ADH7: variants seen among roughly 807,000 people sequenced by gnomAD.
ADH7 encodes all-trans-retinol dehydrogenase [NAD(+)] ADH7.
A neutral mutation model predicts 34.4 loss-of-function variants in ADH7; 41 were observed. That is an observed-to-expected ratio of 1.19 (90% CI 0.93 to 1.55). The LOEUF is 1.55. ADH7 is among the 40% of genes most tolerant of loss of function. The pLI, the probability that ADH7 is intolerant of heterozygous loss-of-function variation, is 0.00. For missense variants in ADH7, 540 were observed against 461.2 expected, an observed-to-expected ratio of 1.17 and a Z score of -1.56; for synonymous variants, 180 against 160.9, an observed-to-expected ratio of 1.12 and a Z score of -0.90.
In ADH7 at chr4:99,420,652, C is replaced by T. The variant is rs139072684; in HGVS notation, c.706G>A (p.Gly236Ser). 6.8e-6 allele frequency: 11 copies of T among 1,613,806 alleles called. No individual in the cohort carries two copies. The African/African-American group carries it at 1.3e-4, about 20-fold the overall frequency. ...KDKFEKAMAV[G>S]ATECISPKDS... ...TTGGGACTGATACACTCAGTGGCAC[C>T]TACAGCCATGGCCTTCTCAAATTTG... Residue 236 changes from glycine to serine, a missense_variant, in exon 6 of 9, where the codon GGT becomes AGT. Transcript: ENST00000437033.
intron 5 of ADH7, among the ~76,000 whole-genome samples, chr4:99,427,435 G>C (rs1260884410): frequency 6.6e-6 from 1 of 152,088 alleles, no homozygotes; most frequent in East Asian, 1.9e-4. Flanking sequence ...AGGAGTAAAA[G>C]CTCTGACAAA....
chr4:99,433,454 T>G (rs984177236), intron 1 of ADH7, among the ~76,000 whole-genome samples: 3 of 152,206 alleles, frequency 2.0e-5, no homozygotes, highest in Admixed American at 1.3e-4. Context: ...TGATTGATTT[T>G]TTTCCTTCAT....
chr4:99,418,191 T>A (rs1048456710), intron 7 of ADH7, among the ~76,000 whole-genome samples: 1 of 152,240 alleles, frequency 6.6e-6, no homozygotes, highest in African/African-American at 2.4e-5. Flanking sequence ...TGTTTTATAA[T>A]ATTTATAGCT....
Position 99,428,172 on chromosome 4 carries a change from C to A in ADH7, c.262G>T (p.Asp88Tyr). 1 of 1,613,134 alleles carries A rather than the reference C, an allele frequency of 6.2e-7. No homozygotes were observed. The highest frequency in any genetic ancestry group is 1.1e-5 in the South Asian group (1 of 90,986). The change falls in exon 4 of 9, where the codon GAC (aspartate) becomes TAC (tyrosine). Residue 88 changes from aspartate (D) to tyrosine (Y), a missense_variant and splice_region_variant. Physicochemically the swap from Asp to Tyr is radical, Grantham distance 160. Coordinates refer to ENST00000437033, the MANE Select transcript of ADH7 (RefSeq NM_000673.7). ...GGCAGAAAGAGAGGGATGACTTTGT[C>A]ACCTACAGGAAAAAAATCATGATAT... ...GEGVTTVKPG[D>Y]KVIPLFLPQC...
intron 5 of ADH7, among the ~76,000 whole-genome samples, chr4:99,425,273 T>C (rs922789515): frequency 6.6e-6 from 1 of 152,062 alleles, no homozygotes; most frequent in African/African-American, 2.4e-5. Flanking sequence ...GTAAATTCGA[T>C]AAACAGTCGA....
chr4:99,416,258 A>G (rs1020053495), intron 7 of ADH7, among the ~76,000 whole-genome samples: 2 of 152,168 alleles, frequency 1.3e-5, no homozygotes. Flanking sequence ...TACTTTACAG[A>G]AAGAATTGTC....
In ADH7 at chr4:99,427,821, A is replaced by C; in HGVS notation, c.516T>G (p.Ile172Met). The C allele has an allele frequency of 6.2e-7, 1 of 1,608,084 alleles. No individual in the cohort carries two copies. ...DAAPPEKVCL[I>M]GCGFSTGYGA... ...CATATCCAGTGGAAAACCCACAGCC[A>C]ATTAAACAGACTTTCTCAGGAGGAG... Residue 172 changes from isoleucine (I) to methionine (M), a missense_variant, in exon 5 of 9, where the codon ATT becomes ATG. Coordinates refer to ENST00000437033, the MANE Select transcript of ADH7 (RefSeq NM_000673.7).
rs1030647092 is a variant in ADH7, at chr4:99,413,137, C to T, written c.*11G>A. The T allele has an allele frequency of 6.2e-7, 1 of 1,613,536 alleles. No individual in the cohort carries two copies. The highest frequency in any genetic ancestry group is 8.5e-7 in the Non-Finnish European group (1 of 1,179,606). On this transcript the variant is annotated 3_prime_UTR_variant, in exon 9 of 9. Transcript: ENST00000437033. ...CACCATGACAACACAGACCTCCTGC[C>T]ACTTTGGATCTCAAAACGTCAGGAC... is the stretch of plus-strand genomic sequence containing the variant.
rs765178784 is a variant in ADH7 at position 99,429,541 on chromosome 4, A to G, written c.111T>C (p.Val37=). The change falls in exon 2 of 9, where the codon GTT becomes GTC. Residue 37 remains valine (V), a synonymous_variant. Transcript: ENST00000437033. ...TAGGGCTCACGCTTACCTTAATGCG[A>G]ACTTCTTTAGTCTTTGGTGGGGCAA... ...IEVAPPKTKE[V]RIKILATGIC... 1.2e-6 allele frequency: 2 copies of G among 1,611,136 alleles called. No individual in the cohort carries two copies. Among genetic ancestry groups the G allele is most frequent in the East Asian group, 2.2e-5 (1 of 44,842 alleles).
intron 5 of ADH7, among the ~76,000 whole-genome samples, chr4:99,423,212 A>C (rs1249945552): frequency 1.0e-4 from 15 of 149,422 alleles, no homozygotes; most frequent in African/African-American, 3.4e-4. Flanking sequence ...TGAACTCATC[A>C]TTTTTTATGG....
intron 8 of ADH7, among the ~76,000 whole-genome samples, 163 bp from the exon 9 acceptor site, chr4:99,413,335 G>A (rs1050174783): frequency 9.9e-5 from 15 of 152,088 alleles, no homozygotes; most frequent in East Asian, 1.9e-4. Flanking sequence ...TCTTTGTTAC[G>A]CAACTCTGAT....
intron 8 of ADH7, 198 bp downstream of exon 8, chr4:99,415,280 A>G: frequency 3.6e-6 from 2 of 560,518 alleles, no homozygotes; most frequent in South Asian, 3.9e-5. Context: ...TAAATGACCC[A>G]GTCTCGGGCA....
chr4:99,415,241 CTG>C, intron 8 of ADH7: 1 of 455,048 alleles, frequency 2.2e-6, no homozygotes, highest in Non-Finnish European at 3.9e-6. Context: ...CCATGCTGAA[CTG>C]TGAGTCAATT....
At chr4:99,429,762 C>A in intron 1 of ADH7, 129 bp from the exon 2 acceptor site, 1 of 652,184 alleles carries the variant, frequency 1.5e-6, no homozygotes, top group Non-Finnish European at 2.5e-6. Context: ...TTTCATCAAA[C>A]ACTAGTATTA....
intron 3 of ADH7, 44 bp downstream of exon 3, chr4:99,428,448 A>C: frequency 6.3e-7 from 1 of 1,590,330 alleles, no homozygotes; most frequent in East Asian, 2.2e-5. Flanking sequence ...TAGGCTAATC[A>C]AAGCCTAATT....
At chr4:99,435,096 G>A in intron 1 of ADH7, 120 bp downstream of exon 1, 1 of 1,550,244 alleles carries the variant, frequency 6.5e-7, no homozygotes, top group Non-Finnish European at 8.7e-7. Context: ...TGCTCACCAA[G>A]CATTTCATTC....
In ADH7 at chr4:99,420,879, CA is replaced by C. The variant is rs1441500366; in HGVS notation, c.565-87del. Reference sequence around the variant, plus strand: ...AGGGCCTCCAGTTAAAAACACAAATCATGAGTGAACTCCCATTCACAATTGC... The same window carrying C: ...AGGGCCTCCAGTTAAAAACACAAATCTGAGTGAACTCCCATTCACAATTGC... On this transcript the variant is annotated intron_variant, in intron 5 of 8. Transcript: ENST00000437033. 5 of 1,220,310 alleles carry C rather than the reference CA, an allele frequency of 4.1e-6. No individual in the cohort carries two copies. The African/African-American group carries it at 4.5e-5, about 11-fold the overall frequency. The allele number at this position is 1,220,310 out of a possible 1,614,324, so 75.6% of individuals were successfully genotyped here. A position where few individuals can be genotyped will look rare whatever the true frequency, so the allele number is the denominator to read the frequency against.
At chr4:99,415,331 G>T in intron 8 of ADH7, 147 bp downstream of exon 8, 1 of 861,086 alleles carries the variant, frequency 1.2e-6, no homozygotes, top group Non-Finnish European at 1.8e-6. Context: ...CACTAATGCA[G>T]TGGGTAAAGA....
At chr4:99,413,201 AC>A (rs1721448942) in intron 8 of ADH7, 29 bp from the exon 9 acceptor site, 1 of 1,611,504 alleles carries the variant, frequency 6.2e-7, no homozygotes, top group African/African-American at 1.3e-5. Flanking sequence ...GTTTTTAATG[AC>A]TTGTTTTCAT....
Sources: allele counts gnomAD v4.1 joint callset (sites outside exome capture counted in the v4.1 genomes callset), GRCh38; gene constraint gnomAD v4.1.1; transcripts MANE v1.5; gene names NCBI Gene and HGNC (gene_info 2026-07-23, HGNC 2026-07-21).